Variants in PTPRD observed in about 807,000 individuals in gnomAD.
PTPRD encodes the protein receptor-type tyrosine-protein phosphatase delta.
A neutral mutation model predicts 214.5 loss-of-function variants in PTPRD; 34 were observed. That is an observed-to-expected ratio of 0.16 (90% CI 0.12 to 0.21). PTPRD has a LOEUF of 0.21. Ranked by LOEUF, PTPRD falls within the 10% of genes least tolerant of loss-of-function variation. The probability of loss-of-function intolerance (pLI) is 1.00; values close to 1 mark genes in which losing one functional copy is unlikely to be tolerated. For synonymous variants in PTPRD, 1,128 were observed against 845.7 expected, an observed-to-expected ratio of 1.33 and a Z score of -5.79; for missense variants, 2,545 against 2,398.7, an observed-to-expected ratio of 1.06 and a Z score of -1.27.
intron 11 of PTPRD, among the ~76,000 whole-genome samples, chr9:8,988,402 T>G (rs1267903781): frequency 6.6e-6 from 1 of 152,104 alleles, no homozygotes; most frequent in African/African-American, 2.4e-5. Flanking sequence ...AGGGCTATTT[T>G]TCTTTAAGAA....
At chr9:9,953,591 C>T (rs2154003421) in intron 4 of PTPRD, among the ~76,000 whole-genome samples, 1 of 152,080 alleles carries the variant, frequency 6.6e-6, no homozygotes, top group South Asian at 2.1e-4. Context: ...GCTACCATAA[C>T]ATTAAACAAC....
intron 3 of PTPRD, among the ~76,000 whole-genome samples, chr9:10,043,751 G>A (rs1308695142): frequency 1.3e-5 from 2 of 151,794 alleles, no homozygotes; most frequent in African/African-American, 4.8e-5. Flanking sequence ...AGCCACTGGT[G>A]CTGCAGAATC....
At chr9:9,213,726 G>C (rs551965355) in intron 9 of PTPRD, among the ~76,000 whole-genome samples, 33 of 152,260 alleles carry the variant, frequency 2.2e-4, no homozygotes, top group Non-Finnish European at 4.7e-4. Context: ...ACACTTTCAT[G>C]TGAGATGAAA....
chr9:9,968,026 AATGTTCTCTCACGC>A (rs1433268252), intron 4 of PTPRD, among the ~76,000 whole-genome samples: 1 of 152,176 alleles, frequency 6.6e-6, no homozygotes, highest in African/African-American at 2.4e-5. Flanking sequence ...CAGTGATAAA[AATGTTCTCTCACGC>A]ATATCATAAT....
intron 27 of PTPRD, among the ~76,000 whole-genome samples, chr9:8,488,286 C>G (rs1406478742): frequency 6.6e-6 from 1 of 152,156 alleles, no homozygotes; most frequent in African/African-American, 2.4e-5. Context: ...ATTTCCTTAA[C>G]CAATGGAGCA....
At chr9:9,684,709 G>GTA (rs559120406) in intron 7 of PTPRD, among the ~76,000 whole-genome samples, 2 of 147,744 alleles carry the variant, frequency 1.4e-5, no homozygotes, top group African/African-American at 4.9e-5. Flanking sequence ...GTGTGTGTGT[G>GTA]TATGTGTGTG....
rs147243772 is a variant in PTPRD, at chr9:8,900,060, G to A, written c.-104+118637C>T. 5.2e-3 allele frequency among the ~76,000 whole-genome samples: 798 copies of A among 152,140 alleles called. 12 individuals are homozygous for A. The highest frequency in any genetic ancestry group is 0.018 in the African/African-American group (749 of 41,506). On this transcript the variant is annotated intron_variant, in intron 11 of 45. Coordinates refer to ENST00000381196, the MANE Select transcript of PTPRD (RefSeq NM_002839.4). ...GTCAGTGTAGATGTGTATCAAAACT[G>A]CATTGTCAAGCTGAGTAATGGACTA...
chr9:9,873,266 T>C (rs1242841728), intron 5 of PTPRD, among the ~76,000 whole-genome samples: 3 of 152,286 alleles, frequency 2.0e-5, no homozygotes, highest in Admixed American at 1.3e-4. Flanking sequence ...GGTTTTCTTT[T>C]GAGCTCTCTG....
At position 9,845,668 on chromosome 9, in the gene PTPRD, G is replaced by A. The variant is rs527757586; in HGVS notation, c.-367-78817C>T. Among the ~76,000 whole-genome samples the A allele has an allele frequency of 7.4e-4, 113 of 152,056 alleles. 1 individual carries two copies. The highest frequency in any genetic ancestry group is 3.5e-3 in the Admixed American group (54 of 15,230). On this transcript the variant is annotated intron_variant, in intron 5 of 45. Transcript: ENST00000381196. ...TGAGGCAGGTCTAAACAATAAACTTGAGGTAGAAAGAATCTACCCATACTC... is the reference window on the plus strand; with the variant it reads ...TGAGGCAGGTCTAAACAATAAACTTAAGGTAGAAAGAATCTACCCATACTC...
At chr9:9,316,980 G>T (rs1344896838) in intron 9 of PTPRD, among the ~76,000 whole-genome samples, 1 of 152,072 alleles carries the variant, frequency 6.6e-6, no homozygotes, top group African/African-American at 2.4e-5. Context: ...TCTCTACAAT[G>T]TTGACAAAAC....
intron 11 of PTPRD, among the ~76,000 whole-genome samples, chr9:8,804,782 T>G (rs1472135374): frequency 1.3e-5 from 2 of 152,166 alleles, no homozygotes; most frequent in Admixed American, 1.3e-4. Context: ...TAAGAGTAAC[T>G]GCGACATGAT....
At chr9:10,218,748 G>C (rs1390145255) in intron 3 of PTPRD, among the ~76,000 whole-genome samples, 3 of 151,762 alleles carry the variant, frequency 2.0e-5, no homozygotes, top group Admixed American at 1.3e-4. Flanking sequence ...TTTATAAATA[G>C]GGAGCCTTGG....
intron 14 of PTPRD, among the ~76,000 whole-genome samples, chr9:8,586,456 T>C (rs988473494): frequency 1.9e-4 from 29 of 152,328 alleles, no homozygotes; most frequent in African/African-American, 6.5e-4. Flanking sequence ...GAATCTTTCA[T>C]TGTTCTTTGT....
intron 9 of PTPRD, among the ~76,000 whole-genome samples, chr9:9,303,403 T>A (rs2134988488): frequency 6.6e-6 from 1 of 152,158 alleles, no homozygotes; most frequent in African/African-American, 2.4e-5. Flanking sequence ...TTCAAGTAGA[T>A]TACATGCATG....
intron 9 of PTPRD, among the ~76,000 whole-genome samples, chr9:9,326,897 G>C (rs1477496085): frequency 2.0e-5 from 3 of 152,126 alleles, no homozygotes; most frequent in African/African-American, 2.4e-5. Flanking sequence ...CACTTCTCTT[G>C]TCCCAGAAGC....
chr9:10,471,096 G>A (rs546259670), intron 2 of PTPRD, among the ~76,000 whole-genome samples: 1 of 152,164 alleles, frequency 6.6e-6, no homozygotes, highest in African/African-American at 2.4e-5. Flanking sequence ...GTTGAACAAT[G>A]AGAACACATG....
intron 2 of PTPRD, among the ~76,000 whole-genome samples, chr9:10,468,997 T>C (rs1482011722): frequency 6.6e-6 from 1 of 152,118 alleles, no homozygotes; most frequent in Non-Finnish European, 1.5e-5. Context: ...GAATTGTAAA[T>C]ATAACTACCC....
chr9:8,913,457 G>A (rs1395572502), intron 11 of PTPRD, among the ~76,000 whole-genome samples: 6 of 151,890 alleles, frequency 4.0e-5, no homozygotes, highest in Non-Finnish European at 8.8e-5. Context: ...TTTATATCAA[G>A]CCTCAAAAAT....
At chr9:9,386,231 A>AT (rs1181426667) in intron 9 of PTPRD, among the ~76,000 whole-genome samples, 16 of 152,162 alleles carry the variant, frequency 1.1e-4, no homozygotes, top group Admixed American at 8.5e-4. Flanking sequence ...GGAATGAAGT[A>AT]TGTGAGCCCC....
Sources: allele counts gnomAD v4.1 joint callset (sites outside exome capture counted in the v4.1 genomes callset), GRCh38; gene constraint gnomAD v4.1.1; transcripts MANE v1.5; gene names NCBI Gene and HGNC (gene_info 2026-07-23, HGNC 2026-07-21).